SENP7: variants seen among roughly 807,000 people sequenced by gnomAD.
SENP7 encodes the protein SUMO specific peptidase 7.
Under a neutral mutation model 141.2 loss-of-function variants are expected in SENP7, and 64 were observed. That is an observed-to-expected ratio of 0.45 (90% CI 0.37 to 0.56). SENP7 has a LOEUF of 0.56. Among genes scored for constraint, SENP7 ranks in the 20% least tolerant of loss-of-function variants. The pLI is 0.00. For synonymous variants in SENP7, 382 were observed against 426.4 expected, an observed-to-expected ratio of 0.90 and a Z score of 1.28; for missense variants, 1,025 against 1,212.2, an observed-to-expected ratio of 0.85 and a Z score of 2.29.
intron 4 of SENP7, among the ~76,000 whole-genome samples, chr3:101,421,856 C>G (rs1017594421): frequency 3.9e-5 from 6 of 152,148 alleles, no homozygotes; most frequent in Non-Finnish European, 7.4e-5. Flanking sequence ...AACATTCAAA[C>G]CAGGCAAAAT....
At chr3:101,507,663 A>G (rs935067174) in intron 1 of SENP7, among the ~76,000 whole-genome samples, 7 of 114,272 alleles carry the variant, frequency 6.1e-5, no homozygotes, top group Admixed American at 2.1e-4. Flanking sequence ...TTTGGGGGGA[A>G]GACAAAAAAA....
chr3:101,440,880 G>T (rs2107772476), intron 4 of SENP7, among the ~76,000 whole-genome samples: 1 of 152,304 alleles, frequency 6.6e-6, no homozygotes, highest in South Asian at 2.1e-4. Flanking sequence ...CAATAAATTT[G>T]ATGAGTAAAA....
chr3:101,409,570 C>G (rs1420525202), intron 5 of SENP7, among the ~76,000 whole-genome samples: 1 of 152,096 alleles, frequency 6.6e-6, no homozygotes, highest in Non-Finnish European at 1.5e-5. Context: ...CAGCATGGTA[C>G]TGATATAAAA....
At chr3:101,450,781 C>A (rs1035589112) in intron 4 of SENP7, among the ~76,000 whole-genome samples, 1 of 152,068 alleles carries the variant, frequency 6.6e-6, no homozygotes, top group Non-Finnish European at 1.5e-5. Flanking sequence ...AATATTGACA[C>A]CCTGACATCA....
chr3:101,339,604 G>C (rs1194064287), intron 16 of SENP7, among the ~76,000 whole-genome samples: 2 of 152,046 alleles, frequency 1.3e-5, no homozygotes, highest in Non-Finnish European at 2.9e-5. Flanking sequence ...TGTAATCCCA[G>C]CTACTCAGGA....
At position 101,340,047 on chromosome 3, in the gene SENP7, C is replaced by A. The variant is rs878867049; in HGVS notation, c.2357+48G>T. ...AGATAAAGACATTTATTTTAAGTTTCTCAGTAAAATCTGTAAAATATGTAG... is the reference window on the plus strand; with the variant it reads ...AGATAAAGACATTTATTTTAAGTTTATCAGTAAAATCTGTAAAATATGTAG... On this transcript the variant is annotated intron_variant, in intron 16 of 23. Coordinates refer to ENST00000394095, the MANE Select transcript of SENP7 (RefSeq NM_020654.5). The A allele has an allele frequency of 4.8e-6, 7 of 1,473,386 alleles. No homozygotes were observed. The African/African-American group carries it at 7.3e-5, about 15-fold the overall frequency. 91.3% of individuals were successfully genotyped at this position (1,473,386 alleles called of 1,614,324 possible). A position where few individuals can be genotyped will look rare whatever the true frequency, so the allele number is the denominator to read the frequency against.
At chr3:101,414,171 T>G in intron 5 of SENP7, 3 of 530,348 alleles carry the variant, frequency 5.7e-6, no homozygotes, top group South Asian at 2.5e-5. Flanking sequence ...GATTTAGGGG[T>G]TAAAAATAAC....
intron 2 of SENP7, among the ~76,000 whole-genome samples, chr3:101,497,645 T>G (rs1223421129): frequency 6.6e-6 from 1 of 152,188 alleles, no homozygotes; most frequent in Non-Finnish European, 1.5e-5. Flanking sequence ...AAACTAAATA[T>G]TCTATGAGTC....
Position 101,505,949 on chromosome 3 carries a change from C to G in SENP7, c.41-4830G>C, listed in dbSNP as rs560716299. On this transcript the variant is annotated intron_variant, in intron 1 of 23. Transcript: ENST00000394095. ...ATATAGGAAAATCTCTCCAATTACT[C>G]TCATTCTAAATATATGAGTCAAAAA... Among the ~76,000 whole-genome samples the G allele has an allele frequency of 2.0e-5, 3 of 152,010 alleles. No individual in the cohort carries two copies. The East Asian group carries it at 5.8e-4, about 29-fold the overall frequency.
intron 1 of SENP7, among the ~76,000 whole-genome samples, chr3:101,510,785 AG>A (rs2065820780): frequency 7.5e-6 from 1 of 133,660 alleles, no homozygotes; most frequent in South Asian, 2.4e-4. Context: ...CCTGGGAGGC[AG>A]GGGTGGTAGA....
In SENP7 at chr3:101,398,910, C is replaced by G; in HGVS notation, c.628G>C (p.Glu210Gln). ...TGAGGGTTTAGATTTTGATAAGATT[C>G]TAGGCTGCCATCAGATGATGAAGAA... ...QLSSSSDGSL[E>Q]SYQNLNPHKS... Residue 210 changes from glutamate to glutamine, a missense_variant, in exon 6 of 24, where the codon GAA (glutamate) becomes CAA (glutamine). Glu to Gln is a conservative substitution (Grantham distance 29). Around this residue, in one of 4 missense-constraint regions of SENP7, gnomAD observed 496 missense variants for 503.5 expected, o/e 0.99. Coordinates refer to ENST00000394095, the MANE Select transcript of SENP7 (RefSeq NM_020654.5). 6 of 1,611,654 alleles carry G rather than the reference C, an allele frequency of 3.7e-6. No homozygotes were observed. The highest frequency in any genetic ancestry group is 5.1e-6 in the Non-Finnish European group (6 of 1,178,528).
chr3:101,496,208 T>C (rs1013503547), intron 2 of SENP7, among the ~76,000 whole-genome samples: 3 of 152,254 alleles, frequency 2.0e-5, no homozygotes, highest in Non-Finnish European at 4.4e-5. Context: ...AATTGAACTT[T>C]AGAATATCTC....
rs765953087 is a variant in SENP7, at chr3:101,366,657, T to G, written c.1091A>C (p.Asp364Ala). ...EEITTKPTKS[D>A]FTKLSSLNSQ... ...GTTAAGTGAGGATAGTTTAGTAAAA[T>G]CACTTTTTGTAGGTTTAGTTGTAAT... is the stretch of plus-strand genomic sequence containing the variant. The change falls in exon 9 of 24, where the codon GAT becomes GCT. Residue 364 changes from aspartate (D) to alanine (A), a missense_variant. Around this residue, in one of 4 missense-constraint regions of SENP7, gnomAD observed 496 missense variants for 503.5 expected, o/e 0.99. Coordinates refer to ENST00000394095, the MANE Select transcript of SENP7 (RefSeq NM_020654.5). 2 of 1,613,896 alleles carry G rather than the reference T, an allele frequency of 1.2e-6. No homozygotes were observed. The highest frequency in any genetic ancestry group is 2.2e-5 in the South Asian group (2 of 91,070).
Position 101,487,713 on chromosome 3 carries a change from AG to A in SENP7, c.186+6159del, listed in dbSNP as rs368069124. ...GCTGTCCCAGCAGCATTTATTGAAT[AG>A]GGAATCCTTTCCCCATTATTTGTTT... On this transcript the variant is annotated intron_variant, in intron 3 of 23. Transcript: ENST00000394095. Among the ~76,000 whole-genome samples, 148 of 152,328 alleles carry A rather than the reference AG, an allele frequency of 9.7e-4. 1 individual carries two copies. In the Middle Eastern group the frequency reaches 0.017, roughly 18 times the overall value.
At chr3:101,361,167 T>G (rs1056216148) in intron 11 of SENP7, among the ~76,000 whole-genome samples, 6 of 150,398 alleles carry the variant, frequency 4.0e-5, no homozygotes, top group African/African-American at 1.2e-4. Flanking sequence ...ATCAGTGGAG[T>G]GCGCCCCTGC....
chr3:101,339,314 T>C lies in SENP7; in HGVS notation c.2357+781A>G, dbSNP rs150338313. Among the ~76,000 whole-genome samples the C allele has an allele frequency of 2.2e-4, 33 of 152,254 alleles. No individual in the cohort carries two copies. In the East Asian group the frequency reaches 5.8e-3, roughly 27 times the overall value. On this transcript the variant is annotated intron_variant, in intron 16 of 23. Coordinates refer to ENST00000394095, the MANE Select transcript of SENP7 (RefSeq NM_020654.5). ...AATTAGGAGATATCTCCATCAACTG[T>C]TGGGAATCTAGGTCTAGAGATACAG...
intron 3 of SENP7, among the ~76,000 whole-genome samples, chr3:101,477,725 C>T (rs765431635): frequency 2.6e-4 from 40 of 151,788 alleles, no homozygotes; most frequent in Non-Finnish European, 5.0e-4. Flanking sequence ...GTGGTGGGTG[C>T]CTGTAATCCC....
At position 101,512,911 on chromosome 3, in the gene SENP7, C is replaced by A. The variant is rs1034911960; in HGVS notation, c.40+180G>T. The stretch of plus-strand genomic sequence containing the variant: ...CCGAGGCTTCGATGACAGCTCGGAC[C>A]GGGTCTTCGACTCCAGGGGCGGGGG... On this transcript the variant is annotated intron_variant, in intron 1 of 23. Transcript: ENST00000394095. Among the ~76,000 whole-genome samples the A allele has an allele frequency of 6.6e-5, 10 of 152,020 alleles. No homozygotes were observed. In the East Asian group the frequency reaches 1.7e-3, roughly 26 times the overall value.
intron 4 of SENP7, among the ~76,000 whole-genome samples, chr3:101,420,311 T>C (rs1436893895): frequency 6.6e-6 from 1 of 151,682 alleles, no homozygotes; most frequent in Non-Finnish European, 1.5e-5. Flanking sequence ...GAGCTTGCAG[T>C]AAGCCGAGAT....
Sources: gnomAD v4.1 joint callset for allele counts (sites outside exome capture counted in the v4.1 genomes callset) on GRCh38, gnomAD v4.1.1 for gene constraint, gnomAD v4.1.1 regional missense constraint, MANE v1.5 for transcripts, NCBI Gene and HGNC (gene_info 2026-07-23, HGNC 2026-07-21) for gene names.